PCF11: variants seen among roughly 807,000 people sequenced by gnomAD.
PCF11 encodes pre-mRNA cleavage complex 2 protein Pcf11.
In PCF11, 19 loss-of-function variants were observed where a neutral mutation model predicts 166.1. That is an observed-to-expected ratio of 0.11 (90% CI 0.08 to 0.17). The LOEUF (loss-of-function observed/expected upper bound fraction) is 0.17, where lower values mean the gene tolerates loss of function less well. Among genes scored for constraint, PCF11 ranks in the 10% least tolerant of loss-of-function variants. The pLI is 1.00. For missense variants in PCF11, 1,565 were observed against 1,855.5 expected (o/e 0.84, Z 2.88); for synonymous variants, 663 against 644.1 (o/e 1.03, Z -0.44).
At chr11:83,161,493 AATG>A in intron 2 of PCF11, 41 bp downstream of exon 2, 4 of 1,427,934 alleles carry the variant, frequency 2.8e-6, no homozygotes, top group Middle Eastern at 2.1e-4. Flanking sequence ...TTTTTTAAAA[AATG>A]TGTTCCTGAT....
exon 12 of PCF11, chr11:83,181,050 G>C (rs767443707): frequency 6.2e-7 from 1 of 1,600,226 alleles, no homozygotes; most frequent in Non-Finnish European, 8.5e-7. Flanking sequence ...CTGGTATTCA[G>C]TGTTACTCTT....
intron 4 of PCF11, among the ~76,000 whole-genome samples, 169 bp downstream of exon 4, chr11:83,164,570 T>A (rs537282770): frequency 1.3e-5 from 2 of 152,220 alleles, no homozygotes; most frequent in Non-Finnish European, 2.9e-5. Flanking sequence ...TATATCTTTA[T>A]TGTAAAATTC....
At chr11:83,174,653 C>T (rs1175534876) in intron 9 of PCF11, among the ~76,000 whole-genome samples, 5 of 151,784 alleles carry the variant, frequency 3.3e-5, no homozygotes, top group African/African-American at 1.2e-4. Context: ...TAGGTAGGAA[C>T]TATTATTACC....
At position 83,164,198 on chromosome 11, in the gene PCF11, T is replaced by G. The variant is rs191066992; in HGVS notation, c.508-9T>G. The G allele has an allele frequency of 3.0e-4, 472 of 1,583,542 alleles. 4 individuals carry two copies. In the African/African-American group the frequency reaches 6.0e-3, roughly 20 times the overall value. On this transcript the variant is annotated splice_polypyrimidine_tract_variant and intron_variant, in intron 3 of 15. Coordinates refer to ENST00000298281, the Ensembl canonical transcript of PCF11. ...ACGTTTTTCTTAAACAAATTGTCTTTTCTTATAGCCCGAGGAGCCTTCAAC... is the reference window on the plus strand; with the variant it reads ...ACGTTTTTCTTAAACAAATTGTCTTGTCTTATAGCCCGAGGAGCCTTCAAC...
At chr11:83,170,200 T>G (rs1860637488) in intron 8 of PCF11, among the ~76,000 whole-genome samples, 1 of 152,246 alleles carries the variant, frequency 6.6e-6, no homozygotes, top group African/African-American at 2.4e-5. Flanking sequence ...TTTAGCTCTT[T>G]CAGGATCTAG....
intron 11 of PCF11, among the ~76,000 whole-genome samples, chr11:83,178,248 A>G (rs775454540): frequency 6.6e-6 from 1 of 151,742 alleles, no homozygotes; most frequent in Non-Finnish European, 1.5e-5. Flanking sequence ...TCGAACTCCT[A>G]ACCTCCAGTG....
chr11:83,182,132 G>C, intron 13 of PCF11, 123 bp downstream of exon 13: 3 of 844,264 alleles, frequency 3.6e-6, no homozygotes, highest in Non-Finnish European at 5.3e-6. Context: ...CTTCTTGAAA[G>C]CTCTACTCTT....
chr11:83,177,417 A>G (rs947158660), intron 10 of PCF11, among the ~76,000 whole-genome samples: 1 of 152,208 alleles, frequency 6.6e-6, no homozygotes, highest in Admixed American at 6.5e-5. Context: ...CAGTTAACTA[A>G]CATACCTAAT....
intron 9 of PCF11, among the ~76,000 whole-genome samples, chr11:83,172,976 C>T (rs1860738188): frequency 6.6e-6 from 1 of 152,102 alleles, no homozygotes; most frequent in South Asian, 2.1e-4. Flanking sequence ...GTTTTAATTT[C>T]TACATGGACA....
At position 83,167,845 on chromosome 11, in the gene PCF11, A is replaced by G. The variant is rs1399602826; in HGVS notation, c.2092+340A>G. ...TCTGGGAGTCGTACTTATGCTGAGA[A>G]TCTTTCACCCCATGAGGGCCGGAGA... On this transcript the variant is annotated intron_variant, in intron 7 of 15. Transcript: ENST00000298281. The surrounding 1 kb of genome is among the most constrained non-coding windows in gnomAD (Gnocchi z 4.2). 3.8e-6 allele frequency: 5 copies of G among 1,316,968 alleles called. No homozygotes were observed. Among genetic ancestry groups the G allele is most frequent in the Non-Finnish European group, 5.0e-6 (5 of 1,007,504 alleles). The allele number at this position is 1,316,968 out of a possible 1,614,324, so 81.6% of individuals were successfully genotyped here. A position where few individuals can be genotyped will look rare whatever the true frequency, so the allele number is the denominator to read the frequency against.
In PCF11 at chr11:83,167,638, A is replaced by G. The variant is rs1236762491; in HGVS notation, c.2092+133A>G. 4.6e-6 allele frequency: 7 copies of G among 1,533,174 alleles called. No homozygotes were observed. Among genetic ancestry groups the G allele is most frequent in the Non-Finnish European group, 6.1e-6 (7 of 1,143,380 alleles). 95.0% of individuals were successfully genotyped at this position (1,533,174 alleles called of 1,614,324 possible). ...GCAAAACTGAAAAGGACACAGGTTC[A>G]GCATTCATTTCCAAGACTTGATCTC... On this transcript the variant is annotated intron_variant, in intron 7 of 15. Transcript: ENST00000298281. This position sits in a 1 kb window ranked among gnomAD's most constrained non-coding sequence, Gnocchi z 4.2.
At chr11:83,179,028 T>G (rs1163882906) in intron 11 of PCF11, among the ~76,000 whole-genome samples, 1 of 152,110 alleles carries the variant, frequency 6.6e-6, no homozygotes, top group African/African-American at 2.4e-5. Flanking sequence ...GTGAGTACTT[T>G]ATAAAAAATA....
chr11:83,168,714 G>A (rs754532466), exon 8 of PCF11: 1 of 1,613,944 alleles, frequency 6.2e-7, no homozygotes, highest in Non-Finnish European at 8.5e-7. Flanking sequence ...GGTTTGATGG[G>A]TCACCAGGAC....
At chr11:83,168,068 T>C (rs547118006) in intron 7 of PCF11, among the ~76,000 whole-genome samples, 170 bp downstream of exon 7, 1 of 152,358 alleles carries the variant, frequency 6.6e-6, no homozygotes, top group Admixed American at 6.5e-5. Context: ...GGAGCTAATA[T>C]TTCTAAGGCC....
exon 5 of PCF11, chr11:83,165,646 G>T: frequency 2.5e-6 from 4 of 1,613,512 alleles, no homozygotes; most frequent in South Asian, 1.1e-5. Flanking sequence ...TTAGGTCCTG[G>T]ATCTGCACCA....
chr11:83,168,475 A>C (rs756777192), exon 8 of PCF11: 2 of 1,611,920 alleles, frequency 1.2e-6, no homozygotes, highest in East Asian at 2.2e-5. Context: ...TTTTCCACTT[A>C]AGCGACCTCG....
chr11:83,161,171 G>A (rs1565150367), intron 1 of PCF11, among the ~76,000 whole-genome samples, 156 bp from the exon 2 acceptor site: 1 of 152,174 alleles, frequency 6.6e-6, no homozygotes, highest in African/African-American at 2.4e-5. Flanking sequence ...TGAGAGTTGA[G>A]AGCTTGATTG....
At chr11:83,157,568 A>C (rs372686394) in exon 1 of PCF11, 13 of 1,614,046 alleles carry the variant, frequency 8.1e-6, no homozygotes, top group Middle Eastern at 1.6e-4. Flanking sequence ...TGACCATTCT[A>C]GCCGAGGAGA....
intron 12 of PCF11, 25 bp downstream of exon 12, chr11:83,181,216 G>T (rs775974521): frequency 1.6e-6 from 2 of 1,271,874 alleles, no homozygotes; most frequent in African/African-American, 2.9e-5. Context: ...TGCCTCCATA[G>T]TATCTTTTAG....
Sources: gnomAD v4.1 joint callset for allele counts (sites outside exome capture counted in the v4.1 genomes callset) on GRCh38, gnomAD v4.1.1 for gene constraint, Gnocchi (gnomAD v3.1) non-coding constraint, MANE v1.5 for transcripts, NCBI Gene and HGNC (gene_info 2026-07-23, HGNC 2026-07-21) for gene names.